The following FAM240B variants were observed in gnomAD, a reference collection of about 807,000 sequenced individuals.
FAM240B encodes family with sequence similarity 240 member B, also known as protein FAM240B.
chr9:38,716,695 C>T lies in FAM240B; in HGVS notation c.-4+3327G>A, dbSNP rs182435427. Among the ~76,000 whole-genome samples, 1,013 of 152,296 alleles carry T rather than the reference C, an allele frequency of 6.7e-3. 6 individuals are homozygous for T. Among genetic ancestry groups the T allele is most frequent in the Admixed American group, 0.011 (171 of 15,298 alleles). Reference sequence around the variant, plus strand: ...AATTGGCTAACATATTGTTTCTCCCCTCTGCTTCACCAAACTGCCAGTCCA... The same window carrying T: ...AATTGGCTAACATATTGTTTCTCCCTTCTGCTTCACCAAACTGCCAGTCCA... On this transcript the variant is annotated intron_variant, in intron 1 of 2. Transcript: ENST00000637493.
chr9:38,698,578 A>G (rs1821091426), intron 2 of FAM240B, among the ~76,000 whole-genome samples: 2 of 152,210 alleles, frequency 1.3e-5, no homozygotes, highest in Admixed American at 1.3e-4. Flanking sequence ...AGCCAGGTAA[A>G]CATTCATCAG....
chr9:38,716,775 G>T (rs144594072), intron 1 of FAM240B, among the ~76,000 whole-genome samples: 238 of 152,288 alleles, frequency 1.6e-3, no homozygotes, highest in African/African-American at 5.5e-3. Context: ...CCGGAAACGG[G>T]CTATGTATAT....
intron 2 of FAM240B, among the ~76,000 whole-genome samples, chr9:38,700,306 T>C (rs1162060151): frequency 6.6e-6 from 1 of 152,234 alleles, no homozygotes; most frequent in Non-Finnish European, 1.5e-5. Context: ...TTGATACAAT[T>C]GATAGGCAGC....
At chr9:38,704,963 A>G (rs1477443656) in intron 1 of FAM240B, among the ~76,000 whole-genome samples, 2 of 152,234 alleles carry the variant, frequency 1.3e-5, no homozygotes, top group African/African-American at 4.8e-5. Flanking sequence ...GCATTTGGAA[A>G]TGGGTATGTC....
intron 2 of FAM240B, among the ~76,000 whole-genome samples, chr9:38,700,332 G>T (rs2119000345): frequency 6.6e-6 from 1 of 152,350 alleles, no homozygotes; most frequent in Non-Finnish European, 1.5e-5. Flanking sequence ...GAGCAAGAGA[G>T]AGGTGAGTGG....
chr9:38,706,564 G>A (rs1821192603), intron 1 of FAM240B, among the ~76,000 whole-genome samples: 1 of 152,152 alleles, frequency 6.6e-6, no homozygotes, highest in African/African-American at 2.4e-5. Context: ...CCTTCCAAGA[G>A]CCGGCCCCTT....
intron 1 of FAM240B, among the ~76,000 whole-genome samples, chr9:38,706,177 C>T (rs1443233832): frequency 6.6e-6 from 1 of 151,760 alleles, no homozygotes; most frequent in Non-Finnish European, 1.5e-5. Flanking sequence ...TACAAGATGA[C>T]GTTTTGAAAT....
chr9:38,704,108 T>G (rs1821161999), intron 1 of FAM240B, 106 bp from the exon 2 acceptor site: 1 of 107,984 alleles, frequency 9.3e-6, no homozygotes, highest in South Asian at 2.8e-4. Flanking sequence ...TTTACACTTG[T>G]TTTTTTTTTT....
At chr9:38,713,520 C>T (rs1271107748) in intron 1 of FAM240B, among the ~76,000 whole-genome samples, 2 of 138,978 alleles carry the variant, frequency 1.4e-5, no homozygotes, top group African/African-American at 2.6e-5. Flanking sequence ...TAGATTTCAT[C>T]ATCTGTTCAA....
intron 1 of FAM240B, among the ~76,000 whole-genome samples, chr9:38,707,962 G>A (rs7875487): frequency 0.014 from 2,190 of 152,192 alleles, 48 homozygotes; most frequent in African/African-American, 0.05. Flanking sequence ...GAAGGACTTA[G>A]GAGGGGACAT....
chr9:38,716,987 C>T (rs1041915598), intron 1 of FAM240B, among the ~76,000 whole-genome samples: 1 of 152,140 alleles, frequency 6.6e-6, no homozygotes, highest in African/African-American at 2.4e-5. Context: ...TCAAGTGTAA[C>T]TCCTCAGAAA....
chr9:38,708,155 G>A (rs1458628153), intron 1 of FAM240B, among the ~76,000 whole-genome samples: 1 of 152,170 alleles, frequency 6.6e-6, no homozygotes. Flanking sequence ...CTACCTACCT[G>A]CCCCTCCTAG....
At chr9:38,708,693 T>G (rs916515440) in intron 1 of FAM240B, among the ~76,000 whole-genome samples, 13 of 152,202 alleles carry the variant, frequency 8.5e-5, no homozygotes, top group Non-Finnish European at 1.8e-4. Context: ...CAAATGCCCC[T>G]CCCCACATGC....
chr9:38,703,685 T>A (rs561718501), intron 2 of FAM240B, among the ~76,000 whole-genome samples, 172 bp downstream of exon 2: 1 of 152,280 alleles, frequency 6.6e-6, no homozygotes, highest in South Asian at 2.1e-4. Flanking sequence ...CATTTCCTCA[T>A]GAGACCTCGC....
Position 38,695,739 on chromosome 9 carries a change from T to A in FAM240B, c.144-870A>T, listed in dbSNP as rs180684217. Reference sequence around the variant, plus strand: ...CAACTTCTATATGGAAAGGCAAAAGTAGATTAGCCTTAAGAAGTTTGAAGA... The same window carrying A: ...CAACTTCTATATGGAAAGGCAAAAGAAGATTAGCCTTAAGAAGTTTGAAGA... On this transcript the variant is annotated intron_variant, in intron 2 of 2. Coordinates refer to ENST00000637493, the MANE Select transcript of FAM240B (RefSeq NM_001394922.1). 6.3e-4 allele frequency among the ~76,000 whole-genome samples: 96 copies of A among 152,338 alleles called. 1 individual carries two copies. Among genetic ancestry groups the A allele is most frequent in the Non-Finnish European group, 7.3e-5 (5 of 68,030 alleles).
rs57624907 is a variant in FAM240B, at chr9:38,697,877, A to G, written c.144-3008T>C. 2.9e-3 allele frequency among the ~76,000 whole-genome samples: 449 copies of G among 152,366 alleles called. 1 individual carries two copies. Among genetic ancestry groups the G allele is most frequent in the African/African-American group, 0.01 (425 of 41,576 alleles). ...TACATCATGGAAGTTGGCAAACACT[A>G]TAAATCATACATGACTTGATGTATC... On this transcript the variant is annotated intron_variant, in intron 2 of 2. Transcript: ENST00000637493.
At chr9:38,710,411 T>C (rs1187133777) in intron 1 of FAM240B, among the ~76,000 whole-genome samples, 3 of 152,240 alleles carry the variant, frequency 2.0e-5, no homozygotes, top group Admixed American at 6.5e-5. Context: ...ATAACTGTAG[T>C]GTCCAGAAGG....
chr9:38,699,522 T>A (rs1377798196), intron 2 of FAM240B, among the ~76,000 whole-genome samples: 1 of 152,194 alleles, frequency 6.6e-6, no homozygotes, highest in East Asian at 1.9e-4. Flanking sequence ...CACAGCACAG[T>A]TCTGAGGAAG....
At chr9:38,717,389 G>T (rs1244067172) in intron 1 of FAM240B, among the ~76,000 whole-genome samples, 2 of 151,968 alleles carry the variant, frequency 1.3e-5, no homozygotes, top group Non-Finnish European at 2.9e-5. Context: ...GACCATCCTG[G>T]CCAACAGGGT....
Sources: allele counts gnomAD v4.1 joint callset (sites outside exome capture counted in the v4.1 genomes callset), GRCh38; gene constraint gnomAD v4.1.1; transcripts MANE v1.5; gene names NCBI Gene and HGNC (gene_info 2026-07-23, HGNC 2026-07-21).